Variants in PPP1R42 observed in about 807,000 individuals in gnomAD.
The protein encoded by PPP1R42 is leucine rich repeat containing 67.
A neutral mutation model predicts 31.0 loss-of-function variants in PPP1R42; 34 were observed. The observed-to-expected ratio is 1.10, with a 90% CI of 0.83 to 1.46. The LOEUF is 1.46. PPP1R42 is among the 40% of genes most tolerant of loss of function. PPP1R42 has a pLI of 0.00. For missense variants in PPP1R42, 268 were observed against 303.0 expected, an observed-to-expected ratio of 0.88 and a Z score of 0.86; for synonymous variants, 103 against 109.8, an observed-to-expected ratio of 0.94 and a Z score of 0.39.
intron 7 of PPP1R42, 62 bp from the exon 8 acceptor site, chr8:66,964,396 G>T: frequency 2.4e-6 from 2 of 847,550 alleles, no homozygotes; most frequent in South Asian, 3.5e-5. Context: ...TCCCTAAAAG[G>T]TAGCAAACAT....
chr8:66,978,397 T>C (rs1281324759), intron 7 of PPP1R42, among the ~76,000 whole-genome samples: 1 of 152,162 alleles, frequency 6.6e-6, no homozygotes, highest in Non-Finnish European at 1.5e-5. Context: ...CAAGATGAGA[T>C]TTGGGTGGGG....
At chr8:66,973,676 A>G (rs1487323258) in intron 7 of PPP1R42, among the ~76,000 whole-genome samples, 1 of 152,132 alleles carries the variant, frequency 6.6e-6, no homozygotes, top group Non-Finnish European at 1.5e-5. Context: ...ACAATATCGT[A>G]TAGTAGATCT....
intron 2 of PPP1R42, among the ~76,000 whole-genome samples, chr8:67,015,977 G>A (rs1268108722): frequency 1.3e-5 from 2 of 152,174 alleles, no homozygotes; most frequent in East Asian, 3.8e-4. Context: ...CATCCACCCT[G>A]GAGGAGCACT....
At chr8:67,027,832 T>C (rs1816448532) in intron 1 of PPP1R42, among the ~76,000 whole-genome samples, 1 of 152,200 alleles carries the variant, frequency 6.6e-6, no homozygotes, top group Middle Eastern at 3.2e-3. Flanking sequence ...TCGTGTTACT[T>C]TGGGACTCCT....
intron 5 of PPP1R42, among the ~76,000 whole-genome samples, chr8:66,997,559 T>TC (rs1403962924): frequency 6.9e-6 from 1 of 144,340 alleles, no homozygotes; most frequent in Non-Finnish European, 1.5e-5. Context: ...TTTTTTTTTT[T>TC]CCCAAGAAAC....
At chr8:67,018,723 G>A (rs558800313) in intron 1 of PPP1R42, among the ~76,000 whole-genome samples, 122 of 149,078 alleles carry the variant, frequency 8.2e-4, no homozygotes, top group Middle Eastern at 7.2e-3. Flanking sequence ...ATGTTAGCCA[G>A]GCTGGTCTTG....
chr8:67,012,047 C>G (rs1815857404), intron 4 of PPP1R42, among the ~76,000 whole-genome samples: 1 of 151,980 alleles, frequency 6.6e-6, no homozygotes, highest in Non-Finnish European at 1.5e-5. Context: ...ACTAGCCTGG[C>G]CAACATGGTG....
At chr8:67,025,070 T>C (rs527996181) in intron 1 of PPP1R42, among the ~76,000 whole-genome samples, 1 of 151,800 alleles carries the variant, frequency 6.6e-6, no homozygotes, top group South Asian at 2.1e-4. Flanking sequence ...CTTGAGCAGC[T>C]GGGACTACAG....
In PPP1R42 at chr8:67,010,712, T is replaced by A; in HGVS notation, c.552+3A>T. The A allele has an allele frequency of 5.2e-6, 8 of 1,551,466 alleles. No individual in the cohort carries two copies. The highest frequency in any genetic ancestry group is 7.1e-6 in the Non-Finnish European group (8 of 1,133,018). On this transcript the variant is annotated splice_donor_region_variant and intron_variant, in intron 5 of 7. Coordinates refer to ENST00000685739, the MANE Select transcript of PPP1R42 (RefSeq NM_001364910.1). ...CTTAAAAATTAATTTCTCTTTACACTACCTTCACATGCAGAAGTTGGTTGT... is the reference window on the plus strand; with the variant it reads ...CTTAAAAATTAATTTCTCTTTACACAACCTTCACATGCAGAAGTTGGTTGT...
At chr8:66,969,656 G>A (rs1814485974) in intron 7 of PPP1R42, among the ~76,000 whole-genome samples, 1 of 152,164 alleles carries the variant, frequency 6.6e-6, no homozygotes, top group African/African-American at 2.4e-5. Flanking sequence ...CTTGAGGTGG[G>A]CTGTACTAGG....
At chr8:67,013,892 T>C (rs78458845) in intron 3 of PPP1R42, among the ~76,000 whole-genome samples, 1,535 of 152,316 alleles carry the variant, frequency 0.01, 15 homozygotes, top group Non-Finnish European at 0.017. Flanking sequence ...GCATGATAGT[T>C]ACTCCAGTCT....
chr8:66,985,573 A>C lies in PPP1R42; in HGVS notation c.670+2827T>G, dbSNP rs570661978. The stretch of plus-strand genomic sequence containing the variant: ...GGCATTGCTGATGAGTCCTGGCTTC[A>C]GTGCCAGCCCGGCTTGGATTCGAGC... On this transcript the variant is annotated intron_variant, in intron 6 of 7. Coordinates refer to ENST00000685739, the MANE Select transcript of PPP1R42 (RefSeq NM_001364910.1). The C allele has an allele frequency of 2.5e-5, 33 of 1,345,944 alleles. No homozygotes were observed. In the South Asian group the frequency reaches 3.7e-4, roughly 15 times the overall value. The allele number at this position is 1,345,944 out of a possible 1,614,324, so 83.4% of individuals were successfully genotyped here.
intron 1 of PPP1R42, among the ~76,000 whole-genome samples, chr8:67,023,496 T>C (rs1045135272): frequency 2.0e-5 from 3 of 152,238 alleles, no homozygotes; most frequent in Non-Finnish European, 4.4e-5. Flanking sequence ...TTTCTGTTTG[T>C]AGCCACTGTA....
At chr8:66,978,469 C>T (rs926509736) in intron 7 of PPP1R42, among the ~76,000 whole-genome samples, 1 of 152,150 alleles carries the variant, frequency 6.6e-6, no homozygotes, top group African/African-American at 2.4e-5. Context: ...CTCACTCTGT[C>T]ACCAGGCTAG....
chr8:67,023,413 G>A (rs538550800), intron 1 of PPP1R42, among the ~76,000 whole-genome samples: 2 of 152,120 alleles, frequency 1.3e-5, no homozygotes, highest in African/African-American at 4.8e-5. Flanking sequence ...CCCAGCTCGA[G>A]TTTTTATTTT....
chr8:67,001,618 G>A (rs920807287), intron 5 of PPP1R42, among the ~76,000 whole-genome samples: 2 of 151,814 alleles, frequency 1.3e-5, no homozygotes, highest in African/African-American at 2.4e-5. Flanking sequence ...TTGCTTCAGC[G>A]TTTAAAACAA....
At chr8:67,010,515 T>C (rs2129536849) in intron 5 of PPP1R42, 200 bp downstream of exon 5, 1 of 491,966 alleles carries the variant, frequency 2.0e-6, no homozygotes, top group South Asian at 2.7e-5. Flanking sequence ...GATACAGGTA[T>C]TGGAGTATAA....
At chr8:66,999,894 A>G (rs547576654) in intron 5 of PPP1R42, among the ~76,000 whole-genome samples, 18 of 152,354 alleles carry the variant, frequency 1.2e-4, no homozygotes, top group Admixed American at 3.9e-4. Context: ...CTTATGGCAT[A>G]AAGTTCTTTA....
At chr8:67,013,353 T>C (rs914714529) in intron 3 of PPP1R42, among the ~76,000 whole-genome samples, 3 of 151,934 alleles carry the variant, frequency 2.0e-5, no homozygotes, top group African/African-American at 7.3e-5. Context: ...AATTCATATG[T>C]TGCCTAACAT....
Sources: allele counts gnomAD v4.1 joint callset (sites outside exome capture counted in the v4.1 genomes callset), GRCh38; gene constraint gnomAD v4.1.1; transcripts MANE v1.5; gene names NCBI Gene and HGNC (gene_info 2026-07-23, HGNC 2026-07-21).